SORL1: variants seen among roughly 807,000 people sequenced by gnomAD.
The protein encoded by SORL1 is sortilin related receptor 1.
A neutral mutation model predicts 273.7 loss-of-function variants in SORL1; 127 were observed. The ratio of observed to expected loss-of-function variants is 0.46; its 90% CI spans 0.40 to 0.54. The LOEUF (loss-of-function observed/expected upper bound fraction) is 0.54, where lower values mean the gene tolerates loss of function less well. Among genes scored for constraint, SORL1 ranks in the 20% least tolerant of loss-of-function variants. The pLI, the probability that SORL1 is intolerant of heterozygous loss-of-function variation, is 0.00. For missense variants in SORL1, 2,494 were observed against 2,846.1 expected, an observed-to-expected ratio of 0.88 and a Z score of 2.81; for synonymous variants, 1,031 against 1,067.4, an observed-to-expected ratio of 0.97 and a Z score of 0.66.
rs916668134 is a variant in SORL1, at chr11:121,604,341, G to A, written c.4651+17G>A. ...CCTGCAGTGGTGAGTGCCGGTCCAC[G>A]GGCTGGGCTGGGCTGGGCTGGGCTG... On this transcript the variant is annotated intron_variant, in intron 33 of 47. Coordinates refer to ENST00000260197, the MANE Select transcript of SORL1 (RefSeq NM_003105.6). The A allele has an allele frequency of 2.0e-5, 32 of 1,603,284 alleles. No individual in the cohort carries two copies. Among genetic ancestry groups the A allele is most frequent in the Non-Finnish European group, 2.6e-5 (31 of 1,175,510 alleles).
intron 24 of SORL1, among the ~76,000 whole-genome samples, 194 bp downstream of exon 24, chr11:121,574,557 G>A (rs1862898634): frequency 6.6e-6 from 1 of 152,182 alleles, no homozygotes; most frequent in Admixed American, 6.5e-5. Flanking sequence ...TTTGTTTGCT[G>A]CTTTTCACGA....
At position 121,555,309 on chromosome 11, in the gene SORL1, A is replaced by G; in HGVS notation, c.2562A>G (p.Lys854=). 6.2e-7 allele frequency: 1 copy of G among 1,613,830 alleles called. No homozygotes were observed. The highest frequency in any genetic ancestry group is 8.5e-7 in the Non-Finnish European group (1 of 1,179,770). ...QLLYWVDAGF[K]KIEVANPDGD... ...TTTACTGGGTAGATGCAGGCTTCAA[A>G]AAGATTGAGGTATGTGTATTTTCGT... The change falls in exon 18 of 48, where the codon AAA becomes AAG. Residue 854 remains lysine (K), a synonymous_variant. Transcript: ENST00000260197.
chr11:121,570,421 A>G, intron 23 of SORL1, 151 bp downstream of exon 23: 2 of 522,872 alleles, frequency 3.8e-6, no homozygotes, highest in Non-Finnish European at 6.9e-6. Context: ...CAGAGAAAAC[A>G]TATTTCCATA....
rs932540434 is a variant in SORL1 at position 121,630,719 on chromosome 11, C to A, written c.*1156C>A. The A allele has an allele frequency of 3.3e-5, 5 of 152,120 alleles. No homozygotes were observed. Among genetic ancestry groups the A allele is most frequent in the African/African-American group, 1.2e-4 (5 of 41,402 alleles). The allele number at this position is 152,120 out of a possible 1,614,324, so 9.4% of individuals were successfully genotyped here. The stretch of plus-strand genomic sequence containing the variant: ...ACATTCTCATAGAGATAGAGAAGAT[C>A]TAAAAAGTTGAGACTACTCAATCCA... On this transcript the variant is annotated 3_prime_UTR_variant, in exon 48 of 48. Transcript: ENST00000260197.
intron 18 of SORL1, among the ~76,000 whole-genome samples, chr11:121,556,615 C>T (rs2134906016): frequency 6.6e-6 from 1 of 152,324 alleles, no homozygotes; most frequent in East Asian, 1.9e-4. Context: ...CTGCACAACT[C>T]AAATACTGTT....
intron 17 of SORL1, 106 bp from the exon 18 acceptor site, chr11:121,555,081 C>T: frequency 8.0e-7 from 1 of 1,254,152 alleles, no homozygotes; most frequent in Non-Finnish European, 1.1e-6. Flanking sequence ...CATCTCATCC[C>T]TTGCCAGTCC....
intron 2 of SORL1, among the ~76,000 whole-genome samples, chr11:121,477,713 G>A (rs1426979527): frequency 6.6e-6 from 1 of 152,114 alleles, no homozygotes; most frequent in Non-Finnish European, 1.5e-5. Context: ...GCCACGTTCA[G>A]GATCCAGGAT....
intron 11 of SORL1, among the ~76,000 whole-genome samples, chr11:121,527,865 G>T (rs958156327): frequency 6.6e-6 from 1 of 151,828 alleles, no homozygotes; most frequent in African/African-American, 2.4e-5. Context: ...TCTATTTTTC[G>T]TTCGTTTAGG....
chr11:121,501,348 A>G (rs1022243539), intron 6 of SORL1, among the ~76,000 whole-genome samples: 2 of 152,236 alleles, frequency 1.3e-5, no homozygotes, highest in Admixed American at 6.5e-5. Flanking sequence ...CACCTCAGAA[A>G]GAAACCACAT....
intron 23 of SORL1, among the ~76,000 whole-genome samples, chr11:121,573,571 C>T (rs909045754): frequency 5.9e-5 from 9 of 152,176 alleles, no homozygotes; most frequent in African/African-American, 2.2e-4. Flanking sequence ...CGAGATTGCG[C>T]CACTGCACTC....
chr11:121,593,661 G>A (rs545018826), intron 31 of SORL1, among the ~76,000 whole-genome samples: 6 of 151,990 alleles, frequency 3.9e-5, no homozygotes, highest in Non-Finnish European at 8.8e-5. Context: ...AGCCTTGTCA[G>A]GTGAATATGA....
chr11:121,620,484 C>T (rs983792554), intron 43 of SORL1, among the ~76,000 whole-genome samples: 5 of 152,156 alleles, frequency 3.3e-5, no homozygotes, highest in Non-Finnish European at 7.4e-5. Context: ...TTCCCTCTCT[C>T]CTCTCTCCAC....
intron 11 of SORL1, among the ~76,000 whole-genome samples, chr11:121,523,668 G>T (rs994668060): frequency 6.6e-6 from 1 of 151,882 alleles, no homozygotes; most frequent in Non-Finnish European, 1.5e-5. Flanking sequence ...AAGGAAGTGC[G>T]TTTGGTCTCG....
Position 121,470,058 on chromosome 11 carries a change from A to T in SORL1, c.337A>T (p.Lys113Ter). The change falls in exon 2 of 48, where the codon AAA (lysine) becomes TAA (stop). Residue 113 changes from lysine (K) to a stop codon, truncating the protein, a stop_gained. Coordinates refer to ENST00000260197, the MANE Select transcript of SORL1 (RefSeq NM_003105.6). LOFTEE classifies it high-confidence loss of function. ...NQMVVHWAGEKSNVIVALARD... is the reference protein window; with the variant it reads ...NQMVVHWAGE ...GATGGTGGTGCACTGGGCTGGAGAG[A>T]AAAGCAACGTGATCGTGGCCTTGGC... 6.2e-7 allele frequency: 1 copy of T among 1,614,168 alleles called. No homozygotes were observed. Among genetic ancestry groups the T allele is most frequent in the Non-Finnish European group, 8.5e-7 (1 of 1,180,014 alleles).
intron 3 of SORL1, among the ~76,000 whole-genome samples, chr11:121,484,828 A>G (rs1248776717): frequency 6.6e-6 from 1 of 152,078 alleles, no homozygotes; most frequent in African/African-American, 2.4e-5. Flanking sequence ...ATGTCGGCTC[A>G]TTGCAACCTC....
At chr11:121,459,178 T>C (rs1860952121) in intron 1 of SORL1, among the ~76,000 whole-genome samples, 1 of 152,240 alleles carries the variant, frequency 6.6e-6, no homozygotes, top group Admixed American at 6.5e-5. Context: ...ATGTGGCAAG[T>C]GTGACTGAAG....
chr11:121,502,560 A>G (rs541608072), intron 6 of SORL1, among the ~76,000 whole-genome samples: 1 of 152,112 alleles, frequency 6.6e-6, no homozygotes, highest in Non-Finnish European at 1.5e-5. Flanking sequence ...AACATTTGCT[A>G]CTGTTTTTTG....
At chr11:121,559,920 C>T (rs1862646173) in intron 21 of SORL1, among the ~76,000 whole-genome samples, 1 of 152,194 alleles carries the variant, frequency 6.6e-6, no homozygotes, top group Non-Finnish European at 1.5e-5. Context: ...TGGCCCCTGA[C>T]TGATTGGTGG....
At chr11:121,592,308 T>C (rs1344142990) in intron 31 of SORL1, among the ~76,000 whole-genome samples, 4 of 152,162 alleles carry the variant, frequency 2.6e-5, no homozygotes, top group Non-Finnish European at 4.4e-5. Flanking sequence ...TCAGAACTTC[T>C]CAAAATGTGA....
Sources: gnomAD v4.1 joint callset for allele counts (sites outside exome capture counted in the v4.1 genomes callset) on GRCh38, gnomAD v4.1.1 for gene constraint, MANE v1.5 for transcripts, NCBI Gene and HGNC (gene_info 2026-07-23, HGNC 2026-07-21) for gene names.